The following RIMS1 variants were observed in gnomAD, a reference collection of about 807,000 sequenced individuals.
RIMS1 encodes regulating synaptic membrane exocytosis 1.
Under a neutral mutation model 214.1 loss-of-function variants are expected in RIMS1, and 83 were observed. That is an observed-to-expected ratio of 0.39 (90% CI 0.32 to 0.47). The LOEUF (loss-of-function observed/expected upper bound fraction) is 0.47. RIMS1 is among the 20% of genes least tolerant of loss of function. RIMS1 has a pLI of 0.99. For synonymous variants in RIMS1, 793 were observed against 786.8 expected (o/e 1.01, Z -0.13); for missense variants, 2,050 against 2,161.8 (o/e 0.95, Z 1.03).
chr6:72,366,693 G>A, intron 29 of RIMS1: 1 of 985,230 alleles, frequency 1.0e-6, no homozygotes, highest in Non-Finnish European at 1.2e-6. Context: ...GGAGGGTGAG[G>A]GAGGAGGAGA....
chr6:72,252,468 G>T (rs1049444913), intron 15 of RIMS1, among the ~76,000 whole-genome samples: 2 of 152,064 alleles, frequency 1.3e-5, no homozygotes, highest in African/African-American at 2.4e-5. Context: ...TGTATATACT[G>T]TGCTGAAGGC....
intron 1 of RIMS1, among the ~76,000 whole-genome samples, chr6:71,907,952 A>G (rs1343227): frequency 0.27 from 40,809 of 152,102 alleles, 5,798 homozygotes; most frequent in South Asian, 0.38. Context: ...ATTAGTCCTT[A>G]ATTGTTTTTC....
intron 6 of RIMS1, among the ~76,000 whole-genome samples, chr6:72,213,818 C>G (rs544244308): frequency 6.6e-6 from 1 of 152,198 alleles, no homozygotes; most frequent in Admixed American, 6.5e-5. Flanking sequence ...CTCAAAATTG[C>G]ATTTGATGTT....
chr6:72,170,937 A>G (rs988627694), intron 4 of RIMS1, among the ~76,000 whole-genome samples: 9 of 152,152 alleles, frequency 5.9e-5, no homozygotes, highest in Non-Finnish European at 1.0e-4. Flanking sequence ...GTATAACTCA[A>G]TCCTAACATA....
At chr6:72,051,232 C>T (rs1458815785) in intron 2 of RIMS1, among the ~76,000 whole-genome samples, 1 of 152,050 alleles carries the variant, frequency 6.6e-6, no homozygotes, top group African/African-American at 2.4e-5. Flanking sequence ...TTGAACTTGG[C>T]CCTGGAAATT....
intron 4 of RIMS1, among the ~76,000 whole-genome samples, chr6:72,134,779 A>T (rs1213430366): frequency 6.6e-6 from 1 of 152,124 alleles, no homozygotes; most frequent in Non-Finnish European, 1.5e-5. Flanking sequence ...TCAATAATTA[A>T]GTTCTAAAAA....
At chr6:72,256,535 A>G (rs1287455288) in intron 16 of RIMS1, among the ~76,000 whole-genome samples, 3 of 152,104 alleles carry the variant, frequency 2.0e-5, no homozygotes, top group Admixed American at 2.0e-4. Flanking sequence ...TACAAAATCT[A>G]TTTATATACC....
chr6:72,234,189 A>G (rs2063150852), intron 7 of RIMS1, among the ~76,000 whole-genome samples: 1 of 151,944 alleles, frequency 6.6e-6, no homozygotes, highest in Non-Finnish European at 1.5e-5. Context: ...ATGTATACTT[A>G]TTTGCCAACC....
intron 6 of RIMS1, among the ~76,000 whole-genome samples, chr6:72,195,835 C>T (rs1172805593): frequency 1.3e-5 from 2 of 152,006 alleles, no homozygotes; most frequent in Non-Finnish European, 2.9e-5. Context: ...TTCTGCATGG[C>T]TGGGGAGGCC....
chr6:71,897,421 A>G (rs1772147034), intron 1 of RIMS1, among the ~76,000 whole-genome samples: 1 of 152,004 alleles, frequency 6.6e-6, no homozygotes, highest in Non-Finnish European at 1.5e-5. Flanking sequence ...CCTACTTGCT[A>G]TTTCTGTTCT....
intron 4 of RIMS1, among the ~76,000 whole-genome samples, chr6:72,141,667 T>A (rs929509957): frequency 1.4e-4 from 22 of 152,056 alleles, no homozygotes; most frequent in African/African-American, 5.3e-4. Flanking sequence ...CCACACAATT[T>A]AAATAACCCG....
chr6:72,098,748 C>A (rs1162902508), intron 3 of RIMS1, among the ~76,000 whole-genome samples: 1 of 152,106 alleles, frequency 6.6e-6, no homozygotes, highest in Non-Finnish European at 1.5e-5. Context: ...TAACTAAAAT[C>A]TAGGTCTTTA....
At position 72,284,159 on chromosome 6, in the gene RIMS1, G is replaced by A. The variant is rs752174601; in HGVS notation, c.3554+41G>A. The A allele has an allele frequency of 8.4e-6, 13 of 1,544,570 alleles. No individual in the cohort carries two copies. The African/African-American group carries it at 1.5e-4, about 18-fold the overall frequency. On this transcript the variant is annotated intron_variant, in intron 24 of 33. Coordinates refer to ENST00000521978, the MANE Select transcript of RIMS1 (RefSeq NM_014989.7). ...TGGTGTGCTGACATCTTCCATTTTAGGAATATATTTAGGGGTGCTGTCACT... is the reference window on the plus strand; with the variant it reads ...TGGTGTGCTGACATCTTCCATTTTAAGAATATATTTAGGGGTGCTGTCACT...
At chr6:72,056,648 T>A (rs1826261337) in intron 2 of RIMS1, among the ~76,000 whole-genome samples, 1 of 152,190 alleles carries the variant, frequency 6.6e-6, no homozygotes, top group Non-Finnish European at 1.5e-5. Context: ...GAGTGCTGCA[T>A]TTGGCCTCTA....
Position 72,179,626 on chromosome 6 carries a change from T to G in RIMS1, c.523T>G (p.Ser175Ala), listed in dbSNP as rs1171732796. The G allele has an allele frequency of 1.2e-6, 2 of 1,613,906 alleles. No individual in the cohort carries two copies. The highest frequency in any genetic ancestry group is 1.7e-6 in the Non-Finnish European group (2 of 1,179,850). The change falls in exon 5 of 34, where the codon TCT becomes GCT. Residue 175 changes from serine to alanine, a missense_variant. This residue lies in a region of RIMS1 where 882 missense variants were observed against 828.9 expected (regional missense o/e 1.06). Transcript: ENST00000521978. ...CRKQQEILTK[S>A]GAWFFGSGPQ... ...AAAGCAACAAGAAATCTTAACCAAATCTGGGGCATGGTTCTTTGGAAGTGG... is the reference window on the plus strand; with the variant it reads ...AAAGCAACAAGAAATCTTAACCAAAGCTGGGGCATGGTTCTTTGGAAGTGG...
intron 1 of RIMS1, among the ~76,000 whole-genome samples, chr6:71,952,251 C>G (rs1487786249): frequency 1.3e-5 from 2 of 152,092 alleles, no homozygotes. Flanking sequence ...TCTAGTAACT[C>G]TGTCATTTGG....
At chr6:72,148,747 G>A (rs1262321028) in intron 4 of RIMS1, 3 of 427,002 alleles carry the variant, frequency 7.0e-6, no homozygotes, top group South Asian at 1.7e-5. Context: ...TCAATCGAAA[G>A]CTCAGGATTG....
In RIMS1 at chr6:72,046,276, C is replaced by T. The variant is rs140642593; in HGVS notation, c.246-50673C>T. ...TGCCTGGTGCTGTTCTCATATCCAT[C>T]ATTGTGTGTGTGTGGAAAGGGGTTG... is the stretch of plus-strand genomic sequence containing the variant. On this transcript the variant is annotated intron_variant, in intron 2 of 33. Coordinates refer to ENST00000521978, the MANE Select transcript of RIMS1 (RefSeq NM_014989.7). Among the ~76,000 whole-genome samples, 375 of 151,962 alleles carry T rather than the reference C, an allele frequency of 2.5e-3. 3 individuals are homozygous for T. The highest frequency in any genetic ancestry group is 0.01 in the Middle Eastern group (3 of 294).
At chr6:72,262,901 A>C in intron 19 of RIMS1, 2 of 498,604 alleles carry the variant, frequency 4.0e-6, no homozygotes, top group Non-Finnish European at 5.2e-6. Flanking sequence ...ATTTAATAAC[A>C]AGCACAGTGT....
Sources: allele counts gnomAD v4.1 joint callset (sites outside exome capture counted in the v4.1 genomes callset), GRCh38; gene constraint gnomAD v4.1.1; regional missense constraint gnomAD v4.1.1; transcripts MANE v1.5; gene names NCBI Gene and HGNC (gene_info 2026-07-23, HGNC 2026-07-21).